Variants in ALG6 observed in about 807,000 individuals in gnomAD.
The protein encoded by ALG6 is ALG6 alpha-1,3-glucosyltransferase.
ALG6 carries 46 observed loss-of-function variants against 66.6 expected under a neutral mutation model. The observed-to-expected ratio is 0.69, with a 90% CI of 0.55 to 0.88. The LOEUF is 0.88. Ranked by LOEUF, ALG6 falls within the 40% of genes least tolerant of loss-of-function variation. ALG6 has a pLI of 0.00. For synonymous variants in ALG6, 185 were observed against 203.7 expected, an observed-to-expected ratio of 0.91 and a Z score of 0.78; for missense variants, 505 against 586.8, an observed-to-expected ratio of 0.86 and a Z score of 1.44.
intron 2 of ALG6, among the ~76,000 whole-genome samples, chr1:63,382,233 G>T (rs1174174070): frequency 6.6e-6 from 1 of 150,862 alleles, no homozygotes; most frequent in Non-Finnish European, 1.5e-5. Flanking sequence ...ATGGAGTCTT[G>T]CTGTGTCGCC....
rs1277438014 is a variant in ALG6 at position 63,433,291 on chromosome 1, A to G, written c.1327-3532A>G. Among the ~76,000 whole-genome samples, 1 of 152,206 alleles carries G rather than the reference A, an allele frequency of 6.6e-6. No individual in the cohort carries two copies. The highest frequency in any genetic ancestry group is 1.5e-5 in the Non-Finnish European group (1 of 68,030). On this transcript the variant is annotated intron_variant, in intron 14 of 14. Coordinates refer to ENST00000263440, the MANE Select transcript of ALG6 (RefSeq NM_013339.4). The surrounding 1 kb of genome is among the most constrained non-coding windows in gnomAD (Gnocchi z 4.2). ...TTGAGTACTACATAGAGGATTGCCCAAAGTACCCAGATAACAAAGAGAAAA... is the reference window on the plus strand; with the variant it reads ...TTGAGTACTACATAGAGGATTGCCCGAAGTACCCAGATAACAAAGAGAAAA...
In ALG6 at chr1:63,415,883, A is replaced by G; in HGVS notation, c.913A>G (p.Thr305Ala). Reference sequence around the variant, plus strand: ...GTATTAATTTTTTAGCTTTTGTTCTACGTTTTTGAGCCTGCTTCCTGCATG... The same window carrying G: ...GTATTAATTTTTTAGCTTTTGTTCTGCGTTTTTGAGCCTGCTTCCTGCATG... Reference protein sequence around the residue: ...HIQLIMSFCSTFLSLLPACIK... With the variant: ...HIQLIMSFCSAFLSLLPACIK... Residue 305 changes from threonine to alanine, a missense_variant, in exon 11 of 15, where the codon ACG (threonine) becomes GCG (alanine). Transcript: ENST00000263440. The G allele has an allele frequency of 1.2e-6, 2 of 1,608,226 alleles. No individual in the cohort carries two copies. Among genetic ancestry groups the G allele is most frequent in the South Asian group, 1.1e-5 (1 of 90,798 alleles).
At chr1:63,402,437 A>G (rs1317151439) in intron 4 of ALG6, 94 bp downstream of exon 4, 2 of 623,202 alleles carry the variant, frequency 3.2e-6, no homozygotes, top group Non-Finnish European at 5.7e-6. Flanking sequence ...ACTAGAGGAG[A>G]GATTGCTTGT....
chr1:63,421,659 G>A (rs1172645009), intron 12 of ALG6, among the ~76,000 whole-genome samples: 1 of 152,152 alleles, frequency 6.6e-6, no homozygotes, highest in Non-Finnish European at 1.5e-5. Flanking sequence ...TTAAGAAAAT[G>A]TGGCACATAC....
intron 14 of ALG6, among the ~76,000 whole-genome samples, chr1:63,432,258 G>GTTTTTTTT (rs139890401): frequency 1.3e-5 from 2 of 149,566 alleles, no homozygotes; most frequent in African/African-American, 4.9e-5. Flanking sequence ...TTGGTCATGT[G>GTTTTTTTT]TGTTTTTTTT....
At chr1:63,426,195 G>A (rs975266791) in intron 12 of ALG6, among the ~76,000 whole-genome samples, 2 of 152,126 alleles carry the variant, frequency 1.3e-5, no homozygotes, top group Non-Finnish European at 2.9e-5. Context: ...AATAATCGGG[G>A]ATAAAGTGTG....
At chr1:63,422,137 A>ATAACTATG (rs1157350278) in intron 12 of ALG6, among the ~76,000 whole-genome samples, 8 of 56,076 alleles carry the variant, frequency 1.4e-4, no homozygotes, top group South Asian at 9.9e-4. Context: ...ATAAATATAT[A>ATAACTATG]AATATATATA....
chr1:63,414,922 G>A (rs1366647570), intron 10 of ALG6, among the ~76,000 whole-genome samples: 1 of 152,194 alleles, frequency 6.6e-6, no homozygotes, highest in Non-Finnish European at 1.5e-5. Context: ...TGTTAGGGAA[G>A]GCCTCAGCCG....
chr1:63,396,111 G>A (rs748554967), intron 2 of ALG6, among the ~76,000 whole-genome samples: 8 of 152,134 alleles, frequency 5.3e-5, no homozygotes, highest in Admixed American at 1.3e-4. Flanking sequence ...GATTTCTGTG[G>A]TAGTGGGGGG....
intron 3 of ALG6, among the ~76,000 whole-genome samples, chr1:63,398,193 A>G (rs1281323250): frequency 6.6e-6 from 1 of 152,194 alleles, no homozygotes; most frequent in African/African-American, 2.4e-5. Flanking sequence ...TGAGTTTTCT[A>G]TTGATAGGTT....
intron 14 of ALG6, among the ~76,000 whole-genome samples, chr1:63,430,968 G>A (rs1644642471): frequency 6.6e-6 from 1 of 152,058 alleles, no homozygotes. Context: ...ATAACCAGTG[G>A]TCACAAATAT....
intron 2 of ALG6, among the ~76,000 whole-genome samples, chr1:63,395,661 C>T (rs1480967648): frequency 2.6e-5 from 4 of 152,212 alleles, no homozygotes; most frequent in African/African-American, 9.6e-5. Context: ...TGCCACTGCA[C>T]TCCAGCCTGG....
chr1:63,413,200 G>T (rs1644525113), intron 9 of ALG6, among the ~76,000 whole-genome samples: 1 of 152,150 alleles, frequency 6.6e-6, no homozygotes. Flanking sequence ...GCAGAACTGT[G>T]ACTTGAACTT....
intron 3 of ALG6, among the ~76,000 whole-genome samples, chr1:63,400,367 A>G (rs1249332005): frequency 3.0e-5 from 4 of 132,422 alleles, no homozygotes; most frequent in Non-Finnish European, 6.2e-5. Context: ...ATATGTATAT[A>G]TATGTATATA....
At chr1:63,368,868 C>T (rs1323667815) in intron 1 of ALG6, among the ~76,000 whole-genome samples, 1 of 152,124 alleles carries the variant, frequency 6.6e-6, no homozygotes, top group Non-Finnish European at 1.5e-5. Context: ...TAAGTTGTAA[C>T]TTGTTAATTT....
chr1:63,420,488 T>C (rs1644567777), intron 12 of ALG6, among the ~76,000 whole-genome samples: 1 of 152,204 alleles, frequency 6.6e-6, no homozygotes, highest in African/African-American at 2.4e-5. Context: ...GGTTCATTTT[T>C]TACAAATGCA....
chr1:63,402,367 A>G, intron 4 of ALG6, 24 bp downstream of exon 4: 2 of 1,535,466 alleles, frequency 1.3e-6, no homozygotes, highest in Non-Finnish European at 9.0e-7. Flanking sequence ...TCTTAATGTA[A>G]CTCTAAATTT....
chr1:63,427,916 C>T (rs1011057980), intron 12 of ALG6, among the ~76,000 whole-genome samples: 9 of 151,280 alleles, frequency 5.9e-5, no homozygotes, highest in Non-Finnish European at 1.2e-4. Flanking sequence ...AAGCAGTTCT[C>T]CTGCTTCAGC....
At position 63,396,085 on chromosome 1, in the gene ALG6, A is replaced by C. The variant is rs369869099; in HGVS notation, c.83-428A>C. 4.6e-5 allele frequency among the ~76,000 whole-genome samples: 7 copies of C among 152,314 alleles called. No individual in the cohort carries two copies. In the East Asian group the frequency reaches 7.7e-4, roughly 17 times the overall value. On this transcript the variant is annotated intron_variant, in intron 2 of 14. Coordinates refer to ENST00000263440, the MANE Select transcript of ALG6 (RefSeq NM_013339.4). ...ACTATGGCATTTTATATAAGGGATG[A>C]GCATCCATGAAGTTTGATTTCTGTG...
Sources: allele counts gnomAD v4.1 joint callset (sites outside exome capture counted in the v4.1 genomes callset), GRCh38; gene constraint gnomAD v4.1.1; non-coding constraint Gnocchi (gnomAD v3.1); transcripts MANE v1.5; gene names NCBI Gene and HGNC (gene_info 2026-07-23, HGNC 2026-07-21).